Variants in PPP1R18 observed in about 807,000 individuals in gnomAD.
The protein encoded by PPP1R18 is protein phosphatase 1 regulatory subunit 18.
Under a neutral mutation model 54.8 loss-of-function variants are expected in PPP1R18, and 31 were observed. The observed-to-expected ratio is 0.57, with a 90% CI of 0.43 to 0.76. The LOEUF is 0.76. PPP1R18 is among the 30% of genes least tolerant of loss of function. The pLI, the probability that PPP1R18 is intolerant of heterozygous loss-of-function variation, is 0.00. For synonymous variants in PPP1R18, 310 were observed against 320.2 expected, an observed-to-expected ratio of 0.97 and a Z score of 0.34; for missense variants, 685 against 776.1, an observed-to-expected ratio of 0.88 and a Z score of 1.39.
rs755861747 is a variant in PPP1R18, at chr6:30,677,274, G to A, written c.1837C>T (p.Arg613Trp). Residue 613 changes from arginine (R) to tryptophan (W), a missense_variant, in exon 3 of 3, where the codon CGG (arginine) becomes TGG (tryptophan). Physicochemically the swap from Arg to Trp is moderately radical, Grantham distance 101. Transcript: ENST00000274853. The stretch of plus-strand genomic sequence containing the variant: ...ATCCCTATGTTGGAAGATGGTCACC[G>A]CCGGCAGGACTCATCTGTGGGAGAG... The part of the protein sequence containing the change: ...KALIVDESCR[R>W] 23 of 1,603,442 alleles carry A rather than the reference G, an allele frequency of 1.4e-5. No individual in the cohort carries two copies. The highest frequency in any genetic ancestry group is 2.7e-5 in the African/African-American group (2 of 74,236).
rs1410197227 is a variant in PPP1R18 at position 30,685,141 on chromosome 6, G to T, written c.878C>A (p.Ala293Glu). 6.2e-7 allele frequency: 1 copy of T among 1,613,112 alleles called. No homozygotes were observed. The highest frequency in any genetic ancestry group is 8.5e-7 in the Non-Finnish European group (1 of 1,180,028). Reference protein sequence around the residue: ...PVPGVAPKETAELSETLTREA... With the variant: ...PVPGVAPKETEELSETLTREA... ...CCTTGTCAGGGTCTCGGACAGCTCT[G>T]CAGTCTCTTTTGGAGCTACCCCTGG... The change falls in exon 1 of 3, where the codon GCA becomes GAA. Residue 293 changes from alanine (A) to glutamate (E), a missense_variant. Ala to Glu is a moderately radical substitution (Grantham distance 107). Coordinates refer to ENST00000274853, the MANE Select transcript of PPP1R18 (RefSeq NM_133471.4). This position sits in a 1 kb window ranked among gnomAD's most constrained non-coding sequence, Gnocchi z 5.0.
chr6:30,677,942 ACT>A (rs1372734482), intron 2 of PPP1R18, among the ~76,000 whole-genome samples: 1 of 151,976 alleles, frequency 6.6e-6, no homozygotes, highest in Non-Finnish European at 1.5e-5. Flanking sequence ...ACAGAATTTC[ACT>A]CTGTCACCCA....
rs1770944292 is a variant in PPP1R18 at position 30,686,393 on chromosome 6, C to A, written c.-375G>T. The A allele has an allele frequency of 4.0e-6, 1 of 248,032 alleles. No individual in the cohort carries two copies. Among genetic ancestry groups the A allele is most frequent in the Admixed American group, 5.5e-5 (1 of 18,086 alleles). The allele number at this position is 248,032 out of a possible 1,614,324, so 15.4% of individuals were successfully genotyped here. ...AGAGAAGGGCGAAAAGGAAAGTTGG[C>A]GTGAGGGAGAAGAGAGAAATGTGGC... On this transcript the variant is annotated 5_prime_UTR_variant, in exon 1 of 3. Transcript: ENST00000274853.
chr6:30,678,260 C>T (rs1770313662), intron 2 of PPP1R18, among the ~76,000 whole-genome samples: 1 of 151,710 alleles, frequency 6.6e-6, no homozygotes, highest in Non-Finnish European at 1.5e-5. Flanking sequence ...GGCTGGAGTG[C>T]AGTGGGTGGT....
rs995511544 is a variant in PPP1R18 at position 30,683,333 on chromosome 6, T to C, written c.1611+1075A>G. The stretch of plus-strand genomic sequence containing the variant: ...TTTTCAAGCTGGAAACAGATGGATG[T>C]GCACAGGGAAGAAGTGAGGCCAGGG... On this transcript the variant is annotated intron_variant, in intron 1 of 2. Transcript: ENST00000274853. This position sits in a 1 kb window ranked among gnomAD's most constrained non-coding sequence, Gnocchi z 5.1. 3.3e-5 allele frequency among the ~76,000 whole-genome samples: 5 copies of C among 152,190 alleles called. No homozygotes were observed. The highest frequency in any genetic ancestry group is 6.5e-5 in the Admixed American group (1 of 15,280).
Position 30,686,026 on chromosome 6 carries a change from T to C in PPP1R18, c.-8A>G. ...GTCTGGGATGGTGGCCATGGTCGTCTTGAGGTGAGGGTAGGGAGCACTGGG... is the reference window on the plus strand; with the variant it reads ...GTCTGGGATGGTGGCCATGGTCGTCCTGAGGTGAGGGTAGGGAGCACTGGG... On this transcript the variant is annotated 5_prime_UTR_variant, in exon 1 of 3. Transcript: ENST00000274853. 2 of 1,554,980 alleles carry C rather than the reference T, an allele frequency of 1.3e-6. No homozygotes were observed. Among genetic ancestry groups the C allele is most frequent in the Non-Finnish European group, 1.7e-6 (2 of 1,158,008 alleles).
In PPP1R18 at chr6:30,684,036, C is replaced by G. The variant is rs1770708316; in HGVS notation, c.1611+372G>C. Among the ~76,000 whole-genome samples, 1 of 152,012 alleles carries G rather than the reference C, an allele frequency of 6.6e-6. No homozygotes were observed. Among genetic ancestry groups the G allele is most frequent in the Admixed American group, 6.5e-5 (1 of 15,274 alleles). On this transcript the variant is annotated intron_variant, in intron 1 of 2. Transcript: ENST00000274853. This position sits in a 1 kb window ranked among gnomAD's most constrained non-coding sequence, Gnocchi z 6.0. ...TCTCACCCTGGTGACCCTGCCCTCA[C>G]TGATTCAAGCTCGTCACTTTAGGCT...
intron 1 of PPP1R18, among the ~76,000 whole-genome samples, chr6:30,681,625 A>G (rs925715672): frequency 3.9e-5 from 6 of 152,028 alleles, no homozygotes; most frequent in Non-Finnish European, 7.4e-5. Flanking sequence ...TTAGCCGGGT[A>G]TGGTGGCGTG....
rs1232885671 is a variant in PPP1R18, at chr6:30,685,412, T to C, written c.607A>G (p.Ser203Gly). The C allele has an allele frequency of 6.2e-7, 1 of 1,613,084 alleles. No individual in the cohort carries two copies. Among genetic ancestry groups the C allele is most frequent in the Non-Finnish European group, 8.5e-7 (1 of 1,180,034 alleles). ...TCTCGAGACTCTGCTAGTCTCAGAC[T>C]CCGCTCTGGAGTTTCTCCAGGACTC... Reference protein sequence around the residue: ...RLSPGETPERSLRLAESREQS... With the variant: ...RLSPGETPERGLRLAESREQS... Residue 203 changes from serine (S) to glycine (G), a missense_variant, in exon 1 of 3, where the codon AGT becomes GGT. By Grantham distance (56) the Ser-to-Gly change is moderately conservative (BLOSUM62 0). Coordinates refer to ENST00000274853, the MANE Select transcript of PPP1R18 (RefSeq NM_133471.4). The surrounding 1 kb of genome is among the most constrained non-coding windows in gnomAD (Gnocchi z 5.0).
intron 1 of PPP1R18, among the ~76,000 whole-genome samples, chr6:30,681,550 G>A (rs1770550690): frequency 6.6e-6 from 1 of 152,112 alleles, no homozygotes; most frequent in Non-Finnish European, 1.5e-5. Context: ...GATCACTTGA[G>A]GTCAGGAGTT....
Position 30,676,930 on chromosome 6 carries a change from G to A in PPP1R18, c.*339C>T. The A allele has an allele frequency of 2.2e-6, 1 of 463,600 alleles. No homozygotes were observed. Among genetic ancestry groups the A allele is most frequent in the Admixed American group, 4.2e-5 (1 of 23,724 alleles). 28.7% of individuals were successfully genotyped at this position (463,600 alleles called of 1,614,324 possible). ...GAGAGTCCCCACGGGATGGTGGGGA[G>A]GAAGGCTGTGGGGAGAGTGTACCCT... On this transcript the variant is annotated 3_prime_UTR_variant, in exon 3 of 3. Transcript: ENST00000274853.
At chr6:30,687,231 GAGGAGGAGGGAAAGAGGCAGCAA>G (rs1771035807), upstream of PPP1R18, 1 of 153,754 alleles carries the variant, frequency 6.5e-6, no homozygotes, top group Non-Finnish European at 1.4e-5. This position sits in a 1 kb window ranked among gnomAD's most constrained non-coding sequence, Gnocchi z 7.9. Context: ...GAGGGAGGGA[GAGGAGGAGGGAAAGAGGCAGCAA>G]AGGAGGAGGG....
chr6:30,681,176 C>T (rs142313131), intron 1 of PPP1R18, among the ~76,000 whole-genome samples: 1 of 152,008 alleles, frequency 6.6e-6, no homozygotes, highest in African/African-American at 2.4e-5. Flanking sequence ...ATGCCACCCT[C>T]CCCTTGCCTC....
chr6:30,684,587 G>A lies in PPP1R18; in HGVS notation c.1432C>T (p.Arg478Trp), dbSNP rs757192882. 9.4e-6 allele frequency: 15 copies of A among 1,599,688 alleles called. No homozygotes were observed. The highest frequency in any genetic ancestry group is 6.7e-5 in the South Asian group (6 of 89,716). The stretch of plus-strand genomic sequence containing the variant: ...GCTGGGGTCGCAGGGGGCACAGACC[G>A]CCGGGGGTTGACGGTGAAGGTGTGT... Reference protein sequence around the residue: ...SGHTFTVNPRRSVPPATPATP... With the variant: ...SGHTFTVNPRWSVPPATPATP... The change falls in exon 1 of 3, where the codon CGG (arginine) becomes TGG (tryptophan). Residue 478 changes from arginine to tryptophan, a missense_variant. Arg to Trp is a moderately radical substitution (Grantham distance 101). Coordinates refer to ENST00000274853, the MANE Select transcript of PPP1R18 (RefSeq NM_133471.4). This position sits in a 1 kb window ranked among gnomAD's most constrained non-coding sequence, Gnocchi z 6.0.
At position 30,679,231 on chromosome 6, in the gene PPP1R18, C is replaced by T; in HGVS notation, c.1770G>A (p.Leu590=). 3 of 1,583,224 alleles carry T rather than the reference C, an allele frequency of 1.9e-6. No homozygotes were observed. Among genetic ancestry groups the T allele is most frequent in the Non-Finnish European group, 2.6e-6 (3 of 1,165,722 alleles). Residue 590 remains leucine (L), a synonymous_variant, in exon 2 of 3, where the codon CTG becomes CTA. Transcript: ENST00000274853. ...PDDEEDEEEL[L]LLQPELQGGL... The stretch of plus-strand genomic sequence containing the variant: ...CGCCCTGGAGCTCTGGCTGCAGCAG[C>T]AGCAGCTCTTCCTCATCCTCTTCGT...
At position 30,684,631 on chromosome 6, in the gene PPP1R18, C is replaced by G; in HGVS notation, c.1388G>C (p.Gly463Ala). ...GGTGTGTCCACTGCGGCGGGGGGCCCCCACCCCTGGCCCTGCCTTCACCCC... is the reference window on the plus strand; with the variant it reads ...GGTGTGTCCACTGCGGCGGGGGGCCGCCACCCCTGGCCCTGCCTTCACCCC... ...FYGVKAGPGVGAPRRSGHTFT... is the reference protein window; with the variant it reads ...FYGVKAGPGVAAPRRSGHTFT... The change falls in exon 1 of 3, where the codon GGG (glycine) becomes GCG (alanine). Residue 463 changes from glycine (G) to alanine (A), a missense_variant. Gly to Ala is a moderately conservative substitution (Grantham distance 60). Transcript: ENST00000274853. The surrounding 1 kb of genome is among the most constrained non-coding windows in gnomAD (Gnocchi z 6.0). 6.5e-7 allele frequency: 1 copy of G among 1,541,770 alleles called. No individual in the cohort carries two copies. The highest frequency in any genetic ancestry group is 8.8e-7 in the Non-Finnish European group (1 of 1,142,600).
chr6:30,680,071 G>T (rs1273599345), intron 1 of PPP1R18, among the ~76,000 whole-genome samples: 5 of 152,164 alleles, frequency 3.3e-5, no homozygotes, highest in Non-Finnish European at 7.3e-5. Context: ...ACACACAGGG[G>T]AAAGATGAGC....
chr6:30,685,372 C>A lies in PPP1R18; in HGVS notation c.647G>T (p.Arg216Ile), dbSNP rs1469774467. Reference protein sequence around the residue: ...LAESREQSPRRKEVESRLSPG... With the variant: ...LAESREQSPRIKEVESRLSPG... ...GCTCAGTCTACTTTCCACCTCTTTT[C>A]TCCTGGGGCTTTGCTCTCGAGACTC... The change falls in exon 1 of 3, where the codon AGA becomes ATA. Residue 216 changes from arginine to isoleucine, a missense_variant. By Grantham distance (97) the Arg-to-Ile change is moderately conservative (BLOSUM62 -3). Coordinates refer to ENST00000274853, the MANE Select transcript of PPP1R18 (RefSeq NM_133471.4). This position sits in a 1 kb window ranked among gnomAD's most constrained non-coding sequence, Gnocchi z 5.0. 2 of 1,612,986 alleles carry A rather than the reference C, an allele frequency of 1.2e-6. No homozygotes were observed. The highest frequency in any genetic ancestry group is 1.7e-6 in the Non-Finnish European group (2 of 1,180,044).
At chr6:30,681,009 C>T (rs1370877605) in intron 1 of PPP1R18, among the ~76,000 whole-genome samples, 7 of 149,934 alleles carry the variant, frequency 4.7e-5, no homozygotes, top group Admixed American at 6.7e-5. Context: ...TGCTTGAACC[C>T]GGGAGGCGGA....
Sources: allele counts gnomAD v4.1 joint callset (sites outside exome capture counted in the v4.1 genomes callset), GRCh38; gene constraint gnomAD v4.1.1; non-coding constraint Gnocchi (gnomAD v3.1); transcripts MANE v1.5; gene names NCBI Gene and HGNC (gene_info 2026-07-23, HGNC 2026-07-21).